Variants in PKHD1 observed in about 807,000 individuals in gnomAD.
The protein encoded by PKHD1 is fibrocystin.
Under a neutral mutation model 412.0 loss-of-function variants are expected in PKHD1, and 291 were observed. The ratio of observed to expected loss-of-function variants is 0.71; its 90% CI spans 0.64 to 0.78. PKHD1 has a LOEUF of 0.78. Among genes scored for constraint, PKHD1 ranks in the 30% least tolerant of loss-of-function variants. The pLI is 0.00. For missense variants in PKHD1, 4,825 were observed against 4,950.7 expected, an observed-to-expected ratio of 0.97 and a Z score of 0.76; for synonymous variants, 1,777 against 1,821.5, an observed-to-expected ratio of 0.98 and a Z score of 0.62.
chr6:52,001,681 T>G (rs1296308848), intron 35 of PKHD1, among the ~76,000 whole-genome samples: 1 of 152,026 alleles, frequency 6.6e-6, no homozygotes, highest in Admixed American at 6.6e-5. Context: ...TCTGCCCACG[T>G]CGGCCTCCCA....
intron 35 of PKHD1, among the ~76,000 whole-genome samples, chr6:51,992,973 G>A (rs914260821): frequency 6.6e-6 from 1 of 152,166 alleles, no homozygotes; most frequent in Non-Finnish European, 1.5e-5. Flanking sequence ...TGGCACCAGA[G>A]GATTGCAATT....
Position 51,659,331 on chromosome 6 carries a change from G to C in PKHD1, c.10795C>G (p.His3599Asp). The C allele has an allele frequency of 6.2e-7, 1 of 1,613,836 alleles. No individual in the cohort carries two copies. The highest frequency in any genetic ancestry group is 1.1e-5 in the South Asian group (1 of 91,076). The change falls in exon 61 of 67, where the codon CAC becomes GAC. Residue 3599 changes from histidine (H) to aspartate (D), a missense_variant. His to Asp is a moderately conservative substitution (Grantham distance 81). Coordinates refer to ENST00000371117, the MANE Select transcript of PKHD1 (RefSeq NM_138694.4). The stretch of plus-strand genomic sequence containing the variant: ...GTCTCTTCATGGCCAGGCATCTCGT[G>C]AATAAACCTGATTTGGTTTTGGCCA... ...QIGQNQIRFI[H>D]EMPGHEETLK...
At chr6:51,669,923 A>C (rs1409214545) in intron 60 of PKHD1, among the ~76,000 whole-genome samples, 2 of 146,010 alleles carry the variant, frequency 1.4e-5, no homozygotes, top group Non-Finnish European at 3.0e-5. Context: ...AGTTTGTTAT[A>C]ATTTCTGTTC....
At chr6:51,696,109 A>C (rs1337055276) in intron 60 of PKHD1, among the ~76,000 whole-genome samples, 1 of 152,216 alleles carries the variant, frequency 6.6e-6, no homozygotes, top group Non-Finnish European at 1.5e-5. Context: ...TACAAATATG[A>C]ACATTTAAAA....
intron 35 of PKHD1, among the ~76,000 whole-genome samples, chr6:51,982,169 C>T (rs1162017349): frequency 7.2e-5 from 3 of 41,752 alleles, no homozygotes; most frequent in East Asian, 5.7e-4. Flanking sequence ...GGCAGCCACC[C>T]CGTCCGGGAG....
chr6:51,762,210 T>C (rs938784044), intron 55 of PKHD1, among the ~76,000 whole-genome samples: 4 of 152,106 alleles, frequency 2.6e-5, no homozygotes, highest in African/African-American at 7.2e-5. Context: ...GATTAAAATA[T>C]AAGTCAGGCT....
chr6:51,985,572 TG>T (rs1001792565), intron 35 of PKHD1, among the ~76,000 whole-genome samples: 13 of 152,008 alleles, frequency 8.6e-5, no homozygotes, highest in African/African-American at 3.1e-4. Context: ...GTACTAAAAA[TG>T]CAAAAATTAG....
chr6:52,000,965 C>CT (rs575914270), intron 35 of PKHD1, among the ~76,000 whole-genome samples: 305 of 152,262 alleles, frequency 2.0e-3, no homozygotes, highest in African/African-American at 7.0e-3. Flanking sequence ...TGAATTCCCT[C>CT]TTTTTTTCCA....
chr6:51,962,334 T>C (rs920088888), intron 35 of PKHD1, among the ~76,000 whole-genome samples: 1 of 152,136 alleles, frequency 6.6e-6, no homozygotes, highest in Non-Finnish European at 1.5e-5. Flanking sequence ...GGGTCAAAGG[T>C]AGACTATTTC....
chr6:51,979,913 T>C (rs1459902076), intron 35 of PKHD1, among the ~76,000 whole-genome samples: 3 of 152,188 alleles, frequency 2.0e-5, no homozygotes, highest in Non-Finnish European at 4.4e-5. Context: ...AATGATCTTC[T>C]TGGACCCTGG....
intron 9 of PKHD1, 137 bp from the exon 10 acceptor site, chr6:52,070,582 C>T: frequency 1.5e-6 from 1 of 676,284 alleles, no homozygotes; most frequent in Non-Finnish European, 2.6e-6. Flanking sequence ...TGGTTCCCCC[C>T]CGCAAAAACA....
rs765383764 is a variant in PKHD1 at position 51,911,933 on chromosome 6, T to C, written c.6356A>G (p.Asn2119Ser). The C allele has an allele frequency of 6.2e-7, 1 of 1,611,968 alleles. No homozygotes were observed. Among genetic ancestry groups the C allele is most frequent in the Non-Finnish European group, 8.5e-7 (1 of 1,178,816 alleles). The change falls in exon 39 of 67, where the codon AAT (asparagine) becomes AGT (serine). Residue 2119 changes from asparagine (N) to serine (S), a missense_variant. By Grantham distance (46) the Asn-to-Ser change is conservative. Coordinates refer to ENST00000371117, the MANE Select transcript of PKHD1 (RefSeq NM_138694.4). ...PLRYSHNFTE[N>S]WVAGEHHILK... ...AATATGGTGCTCTCCAGCCACCCAA[T>C]TCTCTGTAAAGTTGTGAGAATATCT...
intron 34 of PKHD1, among the ~76,000 whole-genome samples, chr6:52,011,197 C>T (rs1053265832): frequency 8.5e-5 from 13 of 152,140 alleles, no homozygotes; most frequent in Non-Finnish European, 1.2e-4. Context: ...TGTAGCATTA[C>T]AGAAAGTCTA....
intron 60 of PKHD1, among the ~76,000 whole-genome samples, chr6:51,734,812 G>A (rs537528365): frequency 6.6e-6 from 1 of 152,286 alleles, no homozygotes; most frequent in East Asian, 1.9e-4. Flanking sequence ...GAAGTGATGT[G>A]TTAGCCATCT....
At chr6:51,987,425 C>A (rs150815148) in intron 35 of PKHD1, among the ~76,000 whole-genome samples, 6 of 152,162 alleles carry the variant, frequency 3.9e-5, no homozygotes, top group Non-Finnish European at 7.3e-5. Context: ...TTCCAAGAGT[C>A]TACCTTATTA....
chr6:51,738,887 A>C (rs942781087), intron 60 of PKHD1, among the ~76,000 whole-genome samples: 2 of 151,948 alleles, frequency 1.3e-5, no homozygotes, highest in Non-Finnish European at 2.9e-5. Flanking sequence ...TTTGAAATGC[A>C]ACTATTTCAA....
At chr6:51,850,658 G>A (rs1435495883) in intron 49 of PKHD1, among the ~76,000 whole-genome samples, 1 of 152,108 alleles carries the variant, frequency 6.6e-6, no homozygotes, top group Non-Finnish European at 1.5e-5. Context: ...TGTAGCAATT[G>A]TGAATAGGAG....
intron 36 of PKHD1, among the ~76,000 whole-genome samples, chr6:51,944,296 A>C (rs1789090175): frequency 6.6e-6 from 1 of 151,472 alleles, no homozygotes; most frequent in Non-Finnish European, 1.5e-5. Flanking sequence ...CAAATCTTAT[A>C]AAACGGCCCC....
chr6:51,837,180 C>G (rs1562426984), intron 50 of PKHD1, among the ~76,000 whole-genome samples: 1 of 152,160 alleles, frequency 6.6e-6, no homozygotes, highest in Non-Finnish European at 1.5e-5. Context: ...AATTAGTAAT[C>G]AGGTGCACAA....
Sources: gnomAD v4.1 joint callset for allele counts (sites outside exome capture counted in the v4.1 genomes callset) on GRCh38, gnomAD v4.1.1 for gene constraint, MANE v1.5 for transcripts, NCBI Gene and HGNC (gene_info 2026-07-23, HGNC 2026-07-21) for gene names.